MUTYH: variants seen among roughly 807,000 people sequenced by gnomAD.
MUTYH encodes mutY DNA glycosylase.
A neutral mutation model predicts 72.9 loss-of-function variants in MUTYH; 64 were observed. The ratio of observed to expected loss-of-function variants is 0.88; its 90% confidence interval spans 0.72 to 1.08. The LOEUF (loss-of-function observed/expected upper bound fraction) is 1.08. Ranked by LOEUF, MUTYH falls within the 50% of genes least tolerant of loss-of-function variation. The pLI, the probability that MUTYH is intolerant of heterozygous loss-of-function variation, is 0.00. For missense variants in MUTYH, 633 were observed against 671.0 expected (o/e 0.94, Z 0.63); for synonymous variants, 234 against 263.1 (o/e 0.89, Z 1.07).
At chr1:45,339,166 G>T (rs1646484184) in intron 1 of MUTYH, among the ~76,000 whole-genome samples, 1 of 151,088 alleles carries the variant, frequency 6.6e-6, no homozygotes, top group Admixed American at 6.6e-5. Flanking sequence ...AGGTGGATGG[G>T]AATCGTAGTG....
At chr1:45,340,104 C>A (rs1169758187), upstream of MUTYH, 9 of 1,552,954 alleles carry the variant, frequency 5.8e-6, no homozygotes, top group Non-Finnish European at 4.3e-6. Flanking sequence ...CTTCCCCGCG[C>A]CGGACCCGGG....
upstream of MUTYH, chr1:45,340,432 G>A: frequency 1.3e-6 from 2 of 1,521,492 alleles, no homozygotes; most frequent in Non-Finnish European, 1.8e-6. Context: ...CTAGCCACGA[G>A]GAGACTACAA....
In MUTYH at chr1:45,332,987, C is replaced by T. The variant is rs1243749619; in HGVS notation, c.379-28G>A. On this transcript the variant is annotated intron_variant, in intron 5 of 15. Coordinates refer to ENST00000456914, the MANE Select transcript of MUTYH (RefSeq NM_001048174.2). ...ATAGCCACAGGCAGGCAGAAAGAGA[C>T]AAGGTCAAGGGTGAAGGTGGTAGAG... is the stretch of plus-strand genomic sequence containing the variant. The T allele has an allele frequency of 1.9e-6, 3 of 1,613,980 alleles. No homozygotes were observed. In the African/African-American group the frequency reaches 4.0e-5, roughly 22 times the overall value.
rs1570362086 is a variant in MUTYH at position 45,331,188 on chromosome 1, C to T, written c.1386G>A (p.Met462Ile). The part of the protein sequence containing the change: ...EFHTAAVSTA[M>I]KKVFRVYQGQ... ...AAGACAACAAAGGTAGTGCCTTTTT[C>T]ATGGCGGTGGAAACAGCTGCGGTGT... The change falls in exon 14 of 16, where the codon ATG becomes ATA. Residue 462 changes from methionine to isoleucine, a missense_variant. By Grantham distance (10) the Met-to-Ile change is conservative. Coordinates refer to ENST00000456914, the MANE Select transcript of MUTYH (RefSeq NM_001048174.2). The T allele has an allele frequency of 6.2e-7, 1 of 1,614,200 alleles. No homozygotes were observed. Among genetic ancestry groups the T allele is most frequent in the Non-Finnish European group, 8.5e-7 (1 of 1,180,030 alleles).
At chr1:45,334,952 A>C (rs907011641) in intron 1 of MUTYH, among the ~76,000 whole-genome samples, 1 of 152,156 alleles carries the variant, frequency 6.6e-6, no homozygotes, top group Non-Finnish European at 1.5e-5. Context: ...ATTAAGTCCA[A>C]AACCTTCATT....
At chr1:45,335,552 G>A (rs565953843) in intron 1 of MUTYH, among the ~76,000 whole-genome samples, 1 of 152,032 alleles carries the variant, frequency 6.6e-6, no homozygotes, top group South Asian at 2.1e-4. Context: ...TCTAACTGTT[G>A]GAACTCAGAA....
At chr1:45,332,727 G>T (rs2149154315) in intron 7 of MUTYH, 36 bp downstream of exon 7, 1 of 1,614,114 alleles carries the variant, frequency 6.2e-7, no homozygotes, top group Non-Finnish European at 8.5e-7. Context: ...AGACACCCAA[G>T]ACTCCTGGGT....
chr1:45,331,358 A>T lies in MUTYH; in HGVS notation c.1240-24T>A, dbSNP rs1644805517. On this transcript the variant is annotated intron_variant, in intron 13 of 15. Transcript: ENST00000456914. ...ACCTGGAGGAAGGGTCAAGGGGTTC[A>T]AATAGGCCTGTGGATATAGCCTCAA... 2.5e-6 allele frequency: 4 copies of T among 1,614,120 alleles called. No individual in the cohort carries two copies. In the African/African-American group the frequency reaches 5.3e-5, roughly 22 times the overall value.
chr1:45,331,352 G>A lies in MUTYH; in HGVS notation c.1240-18C>T, dbSNP rs1644804517. On this transcript the variant is annotated intron_variant, in intron 13 of 15. Transcript: ENST00000456914. ...TGGACAACCTGGAGGAAGGGTCAAG[G>A]GGTTCAAATAGGCCTGTGGATATAG... 1 of 1,614,198 alleles carries A rather than the reference G, an allele frequency of 6.2e-7. No homozygotes were observed. Among genetic ancestry groups the A allele is most frequent in the Non-Finnish European group, 8.5e-7 (1 of 1,180,042 alleles).
At position 45,338,753 on chromosome 1, in the gene MUTYH, T is replaced by G. The variant is rs201677480; in HGVS notation, c.-7+1146A>C. The G allele has an allele frequency of 0.11, 12,396 of 117,658 alleles. 1,660 individuals carry two copies. Among genetic ancestry groups the G allele is most frequent in the African/African-American group, 0.32 (11,404 of 35,632 alleles). 7.3% of individuals were successfully genotyped at this position (117,658 alleles called of 1,614,324 possible). A position where few individuals can be genotyped will look rare whatever the true frequency, so the allele number is the denominator to read the frequency against. On this transcript the variant is annotated intron_variant, in intron 1 of 15. Transcript: ENST00000456914. ...GAGTTTTTTTATTTTTGTTTTTTTTTTGTTTGTTTGTTTTGTTTTTAGAGA... is the reference window on the plus strand; with the variant it reads ...GAGTTTTTTTATTTTTGTTTTTTTTGTGTTTGTTTGTTTTGTTTTTAGAGA...
intron 1 of MUTYH, chr1:45,338,526 C>T (rs1016313702): frequency 3.0e-6 from 1 of 331,798 alleles, no homozygotes; most frequent in Non-Finnish European, 5.9e-6. Flanking sequence ...TTTTACATTA[C>T]TTTGATTCTT....
rs1454101217 is a variant in MUTYH, at chr1:45,333,135, C to A, written c.340G>T (p.Val114Phe). 1 of 1,614,188 alleles carries A rather than the reference C, an allele frequency of 6.2e-7. No individual in the cohort carries two copies. The highest frequency in any genetic ancestry group is 1.7e-5 in the Admixed American group (1 of 60,032). ...GTATAGTAGTTGATCACAGTGGCAA[C>A]CTGGGTCTGCTGCAGCATGACCTCT... Reference protein sequence around the residue: ...VSEVMLQQTQVATVINYYTGW... With the variant: ...VSEVMLQQTQFATVINYYTGW... The change falls in exon 5 of 16, where the codon GTT (valine) becomes TTT (phenylalanine). Residue 114 changes from valine (V) to phenylalanine (F), a missense_variant. Transcript: ENST00000456914.
intron 2 of MUTYH, chr1:45,334,187 C>T: frequency 1.6e-6 from 1 of 644,974 alleles, no homozygotes; most frequent in Non-Finnish European, 2.7e-6. Flanking sequence ...GGGGATTTCG[C>T]CATGTTACCC....
At chr1:45,338,080 C>T (rs1159263349) in intron 1 of MUTYH, 1 of 491,494 alleles carries the variant, frequency 2.0e-6, no homozygotes, top group African/African-American at 1.9e-5. Flanking sequence ...GTCTGTGGTA[C>T]AGTAAGTAGG....
In MUTYH at chr1:45,333,330, A is replaced by C; in HGVS notation, c.265-6T>G. The C allele has an allele frequency of 6.2e-7, 1 of 1,614,136 alleles. No individual in the cohort carries two copies. The highest frequency in any genetic ancestry group is 8.5e-7 in the Non-Finnish European group (1 of 1,180,018). On this transcript the variant is annotated splice_polypyrimidine_tract_variant and splice_region_variant and intron_variant, in intron 3 of 15. Coordinates refer to ENST00000456914, the MANE Select transcript of MUTYH (RefSeq NM_001048174.2). ...AGGTCCATCTCATCTTCTGCCTGTC[A>C]ATGCAACCCCAGATGAGGAGTTAGG...
upstream of MUTYH, chr1:45,340,226 C>T (rs755928199): frequency 3.7e-6 from 6 of 1,613,858 alleles, no homozygotes; most frequent in Admixed American, 8.3e-5. Flanking sequence ...TACCCACAGA[C>T]GACTCAGGCG....
At chr1:45,340,363 C>G (rs1384280413), upstream of MUTYH, 1 of 1,570,554 alleles carries the variant, frequency 6.4e-7, no homozygotes, top group Non-Finnish European at 8.6e-7. Flanking sequence ...AGGGGAAGGC[C>G]TCGGGCTCAT....
intron 15 of MUTYH, among the ~76,000 whole-genome samples, chr1:45,329,695 C>T (rs1041277243): frequency 4.6e-5 from 7 of 152,142 alleles, no homozygotes; most frequent in African/African-American, 1.7e-4. Flanking sequence ...CAGCCTAGGG[C>T]TCACACCCTG....
At chr1:45,340,433 G>A, upstream of MUTYH, 1 of 1,519,894 alleles carries the variant, frequency 6.6e-7, no homozygotes, top group Non-Finnish European at 8.8e-7. Context: ...TAGCCACGAG[G>A]AGACTACAAG....
Sources: gnomAD v4.1 joint callset for allele counts (sites outside exome capture counted in the v4.1 genomes callset) on GRCh38, gnomAD v4.1.1 for gene constraint, MANE v1.5 for transcripts, NCBI Gene and HGNC (gene_info 2026-07-23, HGNC 2026-07-21) for gene names.